Variants in ETHE1 observed in about 807,000 individuals in gnomAD.
ETHE1 encodes persulfide dioxygenase ETHE1, mitochondrial.
Under a neutral mutation model 25.7 loss-of-function variants are expected in ETHE1, and 16 were observed. The observed-to-expected ratio is 0.62, with a 90% CI of 0.42 to 0.95. The LOEUF is 0.95. ETHE1 is among the 40% of genes least tolerant of loss of function. The probability of loss-of-function intolerance (pLI) is 0.00; values close to 1 mark genes in which losing one functional copy is unlikely to be tolerated. For missense variants in ETHE1, 300 were observed against 333.6 expected (o/e 0.90, Z 0.79); for synonymous variants, 139 against 135.9 (o/e 1.02, Z -0.16).
At chr19:43,506,943 T>A (rs531383666) in intron 6 of ETHE1, 41 bp from the exon 7 acceptor site, 123 of 1,606,518 alleles carry the variant, frequency 7.7e-5, no homozygotes, top group Non-Finnish European at 1.0e-4. Context: ...GGGGCCTAGG[T>A]AGAGTTCCAG....
intron 3 of ETHE1, among the ~76,000 whole-genome samples, chr19:43,512,632 C>A (rs1971939195): frequency 1.3e-5 from 2 of 152,152 alleles, no homozygotes; most frequent in Admixed American, 1.3e-4. Context: ...CTGTTAAAAG[C>A]ATTCACTTCA....
At chr19:43,525,067 G>A (rs1220638754) in intron 3 of ETHE1, among the ~76,000 whole-genome samples, 1 of 148,978 alleles carries the variant, frequency 6.7e-6, no homozygotes, top group Non-Finnish European at 1.5e-5. Context: ...GATCACCTGA[G>A]CCTGGGAGGT....
intron 3 of ETHE1, among the ~76,000 whole-genome samples, chr19:43,519,921 A>G (rs908094481): frequency 1.3e-5 from 2 of 152,124 alleles, no homozygotes; most frequent in Admixed American, 6.6e-5. Context: ...ATAATAAAAT[A>G]GAACAATTAC....
intron 3 of ETHE1, among the ~76,000 whole-genome samples, chr19:43,522,163 T>A (rs1972149394): frequency 6.6e-6 from 1 of 152,122 alleles, no homozygotes; most frequent in Non-Finnish European, 1.5e-5. Flanking sequence ...GGCTCACACC[T>A]GTAATCCCAA....
At position 43,523,875 on chromosome 19, in the gene ETHE1, G is replaced by A. The variant is rs146612033; in HGVS notation, c.375+2326C>T. Among the ~76,000 whole-genome samples, 475 of 152,244 alleles carry A rather than the reference G, an allele frequency of 3.1e-3. 3 individuals carry two copies. Among genetic ancestry groups the A allele is most frequent in the Non-Finnish European group, 5.9e-3 (398 of 68,014 alleles). On this transcript the variant is annotated intron_variant, in intron 3 of 6. Coordinates refer to ENST00000292147, the MANE Select transcript of ETHE1 (RefSeq NM_014297.5). ...CGCTTGCGCTCAGGAGGCAGAGGCT[G>A]CAGTGAACTGAGAGCTTGCCATTGC...
At chr19:43,516,188 A>G (rs1972015116) in intron 3 of ETHE1, among the ~76,000 whole-genome samples, 1 of 152,196 alleles carries the variant, frequency 6.6e-6, no homozygotes, top group Non-Finnish European at 1.5e-5. Context: ...GAATATATAA[A>G]GATCATCTAC....
intron 5 of ETHE1, 122 bp downstream of exon 5, chr19:43,508,653 A>T: frequency 4.6e-6 from 4 of 870,848 alleles, no homozygotes; most frequent in South Asian, 4.3e-5. Context: ...TCAAACACTT[A>T]ATTTTTTTTG....
intron 3 of ETHE1, among the ~76,000 whole-genome samples, chr19:43,522,236 A>T (rs2146008692): frequency 6.6e-6 from 1 of 152,320 alleles, no homozygotes; most frequent in South Asian, 2.1e-4. Flanking sequence ...AATCTGAGCA[A>T]CACAGCAAGA....
intron 5 of ETHE1, 58 bp from the exon 6 acceptor site, chr19:43,508,118 AAC>A (rs1971832928): frequency 1.9e-6 from 3 of 1,604,994 alleles, no homozygotes; most frequent in Non-Finnish European, 2.5e-6. Context: ...GGCCTCTCAG[AAC>A]TACATTCCCC....
chr19:43,507,286 T>A (rs1246037852), intron 6 of ETHE1, among the ~76,000 whole-genome samples: 1 of 74,146 alleles, frequency 1.3e-5, no homozygotes, highest in African/African-American at 5.3e-5. Flanking sequence ...CCCCAGCCCC[T>A]CCTCCCTCAG....
intron 4 of ETHE1, among the ~76,000 whole-genome samples, chr19:43,509,499 GAA>G (rs35426776): frequency 2.2e-4 from 25 of 113,978 alleles, no homozygotes; most frequent in East Asian, 7.7e-4. Flanking sequence ...TCTGTCTCAA[GAA>G]AAAAAAAAAA....
At chr19:43,508,235 C>A (rs777935456) in intron 5 of ETHE1, among the ~76,000 whole-genome samples, 175 bp from the exon 6 acceptor site, 2 of 152,138 alleles carry the variant, frequency 1.3e-5, no homozygotes, top group African/African-American at 2.4e-5. Context: ...TCCCCCAGTT[C>A]CCTAAGCTCC....
rs71169253 is a variant in ETHE1, at chr19:43,518,999, G to GTTTTTTTT, written c.375+7194_375+7201dup. Among the ~76,000 whole-genome samples, 490 of 90,928 alleles carry GTTTTTTTT rather than the reference G, an allele frequency of 5.4e-3. 57 individuals are homozygous for GTTTTTTTT. Among genetic ancestry groups the GTTTTTTTT allele is most frequent in the East Asian group, 0.016 (40 of 2,474 alleles). The allele number at this position is 90,928 out of a possible 152,430, so 59.7% of individuals were successfully genotyped here. The stretch of plus-strand genomic sequence containing the variant: ...CTGATGGCTGATGAAATTTGTGCTT[G>GTTTTTTTT]TTTTTTTTTTTTTTTTTTTTTTTTT... On this transcript the variant is annotated intron_variant, in intron 3 of 6. Transcript: ENST00000292147.
chr19:43,512,046 C>A (rs900045622), intron 3 of ETHE1, among the ~76,000 whole-genome samples: 9 of 152,178 alleles, frequency 5.9e-5, no homozygotes, highest in African/African-American at 2.2e-4. Flanking sequence ...TAAGACAGGT[C>A]TTTGCTCCTC....
intron 3 of ETHE1, among the ~76,000 whole-genome samples, chr19:43,520,045 C>CAAAAAA (rs35862147): frequency 1.7e-5 from 2 of 118,750 alleles, no homozygotes. Flanking sequence ...GACCCCCACC[C>CAAAAAA]AAAAAAAAAA....
rs531630322 is a variant in ETHE1, at chr19:43,519,161, G to A, written c.375+7040C>T. 6.6e-5 allele frequency among the ~76,000 whole-genome samples: 10 copies of A among 151,688 alleles called. No homozygotes were observed. In the South Asian group the frequency reaches 1.3e-3, roughly 19 times the overall value. On this transcript the variant is annotated intron_variant, in intron 3 of 6. Coordinates refer to ENST00000292147, the MANE Select transcript of ETHE1 (RefSeq NM_014297.5). The stretch of plus-strand genomic sequence containing the variant: ...TGAGTAGCTGGGATTACAGGAGCGT[G>A]CCACCATGCCCGGTTAATTTTTGTA...
Position 43,508,044 on chromosome 19 carries a change from G to C in ETHE1, c.612C>G (p.Thr204=), listed in dbSNP as rs373746054. ...GGTTCAGAGTCCTCTCCTCCTCCAC[G>C]GTGGACACTGTGAACCCTAGGGGCC... The part of the protein sequence containing the change: ...AHDYHGFTVS[T]VEEERTLNPR... Residue 204 remains threonine (T), a synonymous_variant, in exon 6 of 7, where the codon ACC becomes ACG. Transcript: ENST00000292147. The C allele has an allele frequency of 3.1e-6, 5 of 1,613,884 alleles. No individual in the cohort carries two copies. The Admixed American group carries it at 8.3e-5, about 27-fold the overall frequency.
At chr19:43,514,922 T>G (rs1971989931) in intron 3 of ETHE1, among the ~76,000 whole-genome samples, 1 of 152,110 alleles carries the variant, frequency 6.6e-6, no homozygotes, top group Admixed American at 6.6e-5. Context: ...AAACAAAATC[T>G]AAAGAGAACC....
chr19:43,518,999 GTTTTTTTTT>G (rs71169253), intron 3 of ETHE1, among the ~76,000 whole-genome samples: 353 of 91,020 alleles, frequency 3.9e-3, no homozygotes, highest in Non-Finnish European at 5.4e-3. Flanking sequence ...ATTTGTGCTT[GTTTTTTTTT>G]TTTTTTTTTT....
Sources: allele counts gnomAD v4.1 joint callset (sites outside exome capture counted in the v4.1 genomes callset), GRCh38; gene constraint gnomAD v4.1.1; transcripts MANE v1.5; gene names NCBI Gene and HGNC (gene_info 2026-07-23, HGNC 2026-07-21).